Variants in FANCB observed in about 807,000 individuals in gnomAD.
FANCB encodes FA complementation group B.
In FANCB, 5 loss-of-function variants were observed where a neutral mutation model predicts 38.9. The observed-to-expected ratio is 0.13, with a 90% CI of 0.07 to 0.27. The LOEUF (loss-of-function observed/expected upper bound fraction) is 0.27. FANCB is among the 10% of genes least tolerant of loss of function. FANCB has a pLI of 1.00. For missense variants in FANCB, 573 were observed against 602.7 expected, an observed-to-expected ratio of 0.95 and a Z score of 0.52; for synonymous variants, 236 against 215.4, an observed-to-expected ratio of 1.10 and a Z score of -0.84.
At chrX:14,793,056 T>G in the FANCB span, among the ~76,000 whole-genome samples, 2 of 112,285 alleles carry the variant, frequency 1.8e-5, no homozygotes, top group Non-Finnish European at 3.8e-5. Context: ...TCAATTCTTC[T>G]TCCATATTTA....
At chrX:14,784,588 T>C in the FANCB span, among the ~76,000 whole-genome samples, 3 of 112,438 alleles carry the variant, frequency 2.7e-5, no homozygotes, top group African/African-American at 9.7e-5. Flanking sequence ...AGTTCAACCA[T>C]TGTGGAAAAT....
At chrX:14,723,403 C>A in the FANCB span, among the ~76,000 whole-genome samples, 1 of 112,190 alleles carries the variant, frequency 8.9e-6, no homozygotes, top group Non-Finnish European at 1.9e-5. Flanking sequence ...ATTATCATCT[C>A]TCATCTGGAC....
the FANCB span, among the ~76,000 whole-genome samples, chrX:14,754,054 G>A: frequency 1.8e-5 from 2 of 111,992 alleles, no homozygotes; most frequent in Non-Finnish European, 3.8e-5. Context: ...GCAACATGGT[G>A]CCATCTTGTA....
At chrX:14,813,243 T>G in the FANCB span, among the ~76,000 whole-genome samples, 15 of 106,634 alleles carry the variant, frequency 1.4e-4, no homozygotes, top group African/African-American at 2.8e-4. Context: ...GCATTCCCTT[T>G]GAAAACTGGC....
downstream of FANCB, chrX:14,834,829 C>T: frequency 3.6e-6 from 2 of 554,501 alleles, no homozygotes; most frequent in East Asian, 6.7e-5. Flanking sequence ...TCATCATCAT[C>T]ATCATCTTCA....
chrX:14,773,954 G>A, the FANCB span, among the ~76,000 whole-genome samples: 2 of 111,314 alleles, frequency 1.8e-5, no homozygotes, highest in Non-Finnish European at 3.8e-5. Flanking sequence ...GTGTGGTGAG[G>A]TTCTATATTT....
the FANCB span, among the ~76,000 whole-genome samples, chrX:14,826,210 C>T: frequency 8.9e-6 from 1 of 111,769 alleles, no homozygotes; most frequent in African/African-American, 3.3e-5. Flanking sequence ...ACTGTTTGTG[C>T]ATTTAAGCCT....
chrX:14,850,944 C>A (rs771652792), intron 6 of FANCB, among the ~76,000 whole-genome samples: 3 of 110,476 alleles, frequency 2.7e-5, no homozygotes, highest in Non-Finnish European at 5.7e-5. Context: ...GGGAGGTAAA[C>A]CTGGAGTCCA....
chrX:14,746,955 T>A, the FANCB span, among the ~76,000 whole-genome samples: 2 of 111,382 alleles, frequency 1.8e-5, no homozygotes, highest in Non-Finnish European at 3.8e-5. Context: ...CATTACATGG[T>A]TTGTGATGAG....
chrX:14,807,197 C>A, the FANCB span, among the ~76,000 whole-genome samples: 16 of 112,175 alleles, frequency 1.4e-4, no homozygotes, highest in African/African-American at 4.8e-4. Flanking sequence ...TTAATGCCAA[C>A]AGAAATCATT....
chrX:14,813,731 C>G, the FANCB span, among the ~76,000 whole-genome samples: 1 of 111,367 alleles, frequency 9.0e-6, no homozygotes. Context: ...AATCAATATC[C>G]TGAAAATGGC....
At chrX:14,823,208 G>A in the FANCB span, among the ~76,000 whole-genome samples, 115 of 103,578 alleles carry the variant, frequency 1.1e-3, no homozygotes, top group African/African-American at 3.7e-3. Flanking sequence ...TCAGCCTCCC[G>A]AGTAGCTGGG....
chrX:14,821,582 T>A, the FANCB span, among the ~76,000 whole-genome samples: 1 of 112,163 alleles, frequency 8.9e-6, no homozygotes, highest in Non-Finnish European at 1.9e-5. Context: ...ACATTCAGTA[T>A]AATTTATGAC....
chrX:14,866,599 G>T (rs1403902431), intron 2 of FANCB, among the ~76,000 whole-genome samples: 1 of 111,471 alleles, frequency 9.0e-6, no homozygotes, highest in Non-Finnish European at 1.9e-5. Flanking sequence ...CAAACTCATT[G>T]TAAGAAAGGT....
At chrX:14,722,289 T>G in the FANCB span, among the ~76,000 whole-genome samples, 1 of 111,312 alleles carries the variant, frequency 9.0e-6, no homozygotes, top group East Asian at 2.8e-4. Flanking sequence ...GCATCATTCT[T>G]TCTTCATGTA....
At chrX:14,776,489 T>A in the FANCB span, among the ~76,000 whole-genome samples, 1 of 111,735 alleles carries the variant, frequency 8.9e-6, no homozygotes, top group Non-Finnish European at 1.9e-5. Flanking sequence ...AATAAAGAGG[T>A]TGTGCTATAT....
chrX:14,766,879 C>A, the FANCB span, among the ~76,000 whole-genome samples: 1 of 110,376 alleles, frequency 9.1e-6, no homozygotes, highest in African/African-American at 3.3e-5. Flanking sequence ...GTGTGTTGTT[C>A]CCCATCCTCA....
At chrX:14,771,618 T>C in the FANCB span, among the ~76,000 whole-genome samples, 1 of 111,975 alleles carries the variant, frequency 8.9e-6, no homozygotes, top group African/African-American at 3.2e-5. Flanking sequence ...TTACCCACTT[T>C]CTGAAGCCTG....
At chrX:14,693,736 T>C in the FANCB span, among the ~76,000 whole-genome samples, 2 of 112,030 alleles carry the variant, frequency 1.8e-5, no homozygotes, top group Non-Finnish European at 3.8e-5. Flanking sequence ...GAAATAATAT[T>C]ATCTGAGTAA....
Sources: allele counts gnomAD v4.1 joint callset (sites outside exome capture counted in the v4.1 genomes callset), GRCh38; gene constraint gnomAD v4.1.1; transcripts MANE v1.5; gene names NCBI Gene and HGNC (gene_info 2026-07-23, HGNC 2026-07-21).